OMA1: variants seen among roughly 807,000 people sequenced by gnomAD.
The protein encoded by OMA1 is metalloendopeptidase OMA1, mitochondrial.
A neutral mutation model predicts 30.9 loss-of-function variants in OMA1; 38 were observed. The observed-to-expected ratio is 1.23, with a 90% CI of 0.95 to 1.61. The LOEUF is 1.61. Ranked by LOEUF, OMA1 falls within the 40% of genes most tolerant of loss-of-function variation. The pLI is 0.00. For missense variants in OMA1, 461 were observed against 349.2 expected, an observed-to-expected ratio of 1.32 and a Z score of -2.55; for synonymous variants, 173 against 121.9, an observed-to-expected ratio of 1.42 and a Z score of -2.76.
At chr1:58,527,715 A>G (rs1646374087) in intron 6 of OMA1, among the ~76,000 whole-genome samples, 1 of 152,236 alleles carries the variant, frequency 6.6e-6, no homozygotes, top group Admixed American at 6.5e-5. Context: ...AAGAAAATCA[A>G]GAAAACGTAG....
chr1:58,544,352 A>T (rs1483489057), intron 1 of OMA1, among the ~76,000 whole-genome samples: 1 of 152,192 alleles, frequency 6.6e-6, no homozygotes, highest in Admixed American at 6.5e-5. Flanking sequence ...AACAAAACAG[A>T]TTTTAAAAAA....
intron 8 of OMA1, among the ~76,000 whole-genome samples, chr1:58,499,229 GGATCGGGGAGTAGGAATCA>G (rs1318208147): frequency 1.3e-5 from 2 of 151,184 alleles, no homozygotes; most frequent in Admixed American, 1.3e-4. Flanking sequence ...CACAGGCTGG[GGATCGGGGAGTAGGAATCA>G]GGAGGTGTTG....
At chr1:58,488,896 T>C (rs1030497183) in intron 8 of OMA1, among the ~76,000 whole-genome samples, 2 of 152,248 alleles carry the variant, frequency 1.3e-5, no homozygotes, top group Non-Finnish European at 1.5e-5. Flanking sequence ...TATGTACAGA[T>C]ATTTTTGTCC....
intron 8 of OMA1, among the ~76,000 whole-genome samples, chr1:58,481,873 T>C (rs747504056): frequency 1.3e-5 from 2 of 152,218 alleles, no homozygotes; most frequent in African/African-American, 4.8e-5. Context: ...TCCACCATGA[T>C]TGTGAGGCCA....
At chr1:58,530,560 C>G (rs753024437) in intron 6 of OMA1, 41 bp downstream of exon 6, 1 of 835,446 alleles carries the variant, frequency 1.2e-6, no homozygotes, top group Non-Finnish European at 2.1e-6. Context: ...AATATCTTCA[C>G]CAGAGGCTAT....
At chr1:58,507,956 C>T (rs1160137083) in intron 7 of OMA1, among the ~76,000 whole-genome samples, 2 of 152,134 alleles carry the variant, frequency 1.3e-5, no homozygotes, top group African/African-American at 2.4e-5. Flanking sequence ...CACGAATTAT[C>T]TAACATGAAG....
At chr1:58,541,988 C>A (rs376299979) in intron 1 of OMA1, among the ~76,000 whole-genome samples, 1 of 152,090 alleles carries the variant, frequency 6.6e-6, no homozygotes, top group African/African-American at 2.4e-5. Flanking sequence ...TAAGCTAATA[C>A]GATATTATCT....
At chr1:58,528,981 G>A (rs188963786) in intron 6 of OMA1, among the ~76,000 whole-genome samples, 153 of 152,108 alleles carry the variant, frequency 1.0e-3, no homozygotes, top group Non-Finnish European at 1.9e-3. Flanking sequence ...ATGACCAACT[G>A]TGCTGATTCC....
chr1:58,536,479 A>C (rs754633592), intron 3 of OMA1, 34 bp downstream of exon 3: 1 of 821,818 alleles, frequency 1.2e-6, no homozygotes, highest in South Asian at 1.4e-5. Flanking sequence ...TGTTATATTA[A>C]GCAGTCTAAT....
At chr1:58,491,373 C>T (rs1417105959) in intron 8 of OMA1, among the ~76,000 whole-genome samples, 5 of 152,094 alleles carry the variant, frequency 3.3e-5, no homozygotes, top group Non-Finnish European at 5.9e-5. Context: ...GCAAAATAAC[C>T]AGCTAACATC....
chr1:58,523,101 C>G (rs773810177), intron 7 of OMA1, among the ~76,000 whole-genome samples: 2 of 152,190 alleles, frequency 1.3e-5, no homozygotes, highest in Non-Finnish European at 2.9e-5. Context: ...TCTTTTCTAC[C>G]TGGCACCATT....
At chr1:58,544,211 G>A (rs1453362998) in intron 1 of OMA1, among the ~76,000 whole-genome samples, 2 of 152,078 alleles carry the variant, frequency 1.3e-5, no homozygotes, top group African/African-American at 2.4e-5. Flanking sequence ...AAATTTTAAC[G>A]ACCTTAACCA....
chr1:58,519,383 C>T (rs543677887), intron 7 of OMA1, among the ~76,000 whole-genome samples: 28 of 152,226 alleles, frequency 1.8e-4, no homozygotes, highest in Non-Finnish European at 1.2e-4. Context: ...TCTGCAGACA[C>T]GTGAATGACC....
intron 6 of OMA1, among the ~76,000 whole-genome samples, chr1:58,529,283 C>T (rs1018625106): frequency 6.6e-6 from 1 of 152,132 alleles, no homozygotes; most frequent in African/African-American, 2.4e-5. Context: ...GATGGGAACT[C>T]CACAAATCAT....
Position 58,490,651 on chromosome 1 carries a change from A to G in OMA1, c.1366-9477T>C, listed in dbSNP as rs551607731. ...AAGACACATAATTGTCAGATTCACC[A>G]AAGTTGAAATGAAGGAAAAAATGTT... is the stretch of plus-strand genomic sequence containing the variant. On this transcript the variant is annotated intron_variant, in intron 8 of 8. Coordinates refer to ENST00000371226, the MANE Select transcript of OMA1 (RefSeq NM_145243.5). 3.2e-4 allele frequency among the ~76,000 whole-genome samples: 48 copies of G among 152,250 alleles called. No homozygotes were observed. In the South Asian group the frequency reaches 4.6e-3, roughly 15 times the overall value.
At chr1:58,514,819 G>A (rs1436328151) in intron 7 of OMA1, among the ~76,000 whole-genome samples, 1 of 152,136 alleles carries the variant, frequency 6.6e-6, no homozygotes, top group African/African-American at 2.4e-5. Context: ...GCAAATATAA[G>A]ATGGAAAGTT....
chr1:58,504,434 T>C (rs923190536), intron 8 of OMA1, among the ~76,000 whole-genome samples: 1 of 152,214 alleles, frequency 6.6e-6, no homozygotes, highest in Non-Finnish European at 1.5e-5. Flanking sequence ...TTCTGATTAG[T>C]GAGGCCTTCC....
At chr1:58,511,260 T>C (rs184595125) in intron 7 of OMA1, among the ~76,000 whole-genome samples, 13 of 152,250 alleles carry the variant, frequency 8.5e-5, no homozygotes, top group Admixed American at 8.5e-4. Flanking sequence ...CAGTATAGTA[T>C]TAGCAGAAAG....
At chr1:58,511,871 G>T (rs6587822) in intron 7 of OMA1, among the ~76,000 whole-genome samples, 23,355 of 152,054 alleles carry the variant, frequency 0.15, 2,012 homozygotes, top group Admixed American at 0.26. Context: ...CAATGATTTT[G>T]TGAATATGAC....
Sources: allele counts gnomAD v4.1 joint callset (sites outside exome capture counted in the v4.1 genomes callset), GRCh38; gene constraint gnomAD v4.1.1; transcripts MANE v1.5; gene names NCBI Gene and HGNC (gene_info 2026-07-23, HGNC 2026-07-21).